Variants in SH3RF1 observed in about 807,000 individuals in gnomAD.
SH3RF1 encodes SH3 domain containing ring finger 1.
In SH3RF1, 32 loss-of-function variants were observed where a neutral mutation model predicts 74.0. That is an observed-to-expected ratio of 0.43 (90% CI 0.33 to 0.58). The LOEUF is 0.58. SH3RF1 is among the 20% of genes least tolerant of loss of function. The pLI is 0.05. For synonymous variants in SH3RF1, 396 were observed against 439.6 expected, an observed-to-expected ratio of 0.90 and a Z score of 1.24; for missense variants, 954 against 1,130.9, an observed-to-expected ratio of 0.84 and a Z score of 2.24.
rs762392771 is a variant in SH3RF1, at chr4:169,120,997, AG to A, written c.1347-9del. 23 of 1,606,876 alleles carry A rather than the reference AG, an allele frequency of 1.4e-5. 1 individual carries two copies. In the South Asian group the frequency reaches 2.5e-4, roughly 18 times the overall value. ...GGATATATAGCAACATACCTAGAAT[AG>A]AAAATAATATTTGATTTCAGGTTGA... On this transcript the variant is annotated splice_polypyrimidine_tract_variant and intron_variant, in intron 7 of 11. Coordinates refer to ENST00000284637, the MANE Select transcript of SH3RF1 (RefSeq NM_020870.4).
intron 2 of SH3RF1, among the ~76,000 whole-genome samples, chr4:169,173,704 T>C (rs1055714433): frequency 1.3e-5 from 2 of 152,152 alleles, no homozygotes; most frequent in Non-Finnish European, 2.9e-5. Context: ...GTTAGCTTAC[T>C]GAGCTTGTGA....
intron 2 of SH3RF1, among the ~76,000 whole-genome samples, chr4:169,186,850 C>CAAA (rs759258833): frequency 1.1e-4 from 14 of 131,844 alleles, no homozygotes; most frequent in Non-Finnish European, 1.3e-4. Flanking sequence ...ACTAAAAATA[C>CAAA]AAAAAAAAAA....
chr4:169,102,051 A>T lies in SH3RF1; in HGVS notation c.2498+4796T>A, dbSNP rs558630948. Among the ~76,000 whole-genome samples, 8 of 152,060 alleles carry T rather than the reference A, an allele frequency of 5.3e-5. No individual in the cohort carries two copies. In the South Asian group the frequency reaches 1.7e-3, roughly 32 times the overall value. On this transcript the variant is annotated intron_variant, in intron 11 of 11. Transcript: ENST00000284637. ...TGTAGTTCATACATTTTCATTTCTA[A>T]TCGCCCCTGGTATAGCCCAAATTGG...
chr4:169,096,485 G>A lies in SH3RF1; in HGVS notation c.*34C>T. ...ACTGCTTTGTGCTACTTTGTTGTGT[G>A]AAGTGATTTTAAGCTTCTTCAGTGT... On this transcript the variant is annotated 3_prime_UTR_variant, in exon 12 of 12. Coordinates refer to ENST00000284637, the MANE Select transcript of SH3RF1 (RefSeq NM_020870.4). The A allele has an allele frequency of 6.2e-7, 1 of 1,602,652 alleles. No homozygotes were observed. Among genetic ancestry groups the A allele is most frequent in the East Asian group, 2.2e-5 (1 of 44,824 alleles).
chr4:169,190,763 T>A (rs191092252), intron 2 of SH3RF1, among the ~76,000 whole-genome samples: 4 of 151,950 alleles, frequency 2.6e-5, no homozygotes, highest in African/African-American at 9.6e-5. Flanking sequence ...GGAAAGGATA[T>A]AACCAAAAAA....
intron 2 of SH3RF1, among the ~76,000 whole-genome samples, chr4:169,233,101 C>T (rs7438727): frequency 1 from 152,041 of 152,094 alleles, 75,994 homozygotes; most frequent in Non-Finnish European, 1. Flanking sequence ...ATACAAAAAT[C>T]AGCCAGGCGT....
At chr4:169,103,847 T>G (rs753865915) in intron 11 of SH3RF1, among the ~76,000 whole-genome samples, 1 of 152,332 alleles carries the variant, frequency 6.6e-6, no homozygotes, top group Non-Finnish European at 1.5e-5. Context: ...GGTAGAAATC[T>G]TCTCCAAAGA....
At chr4:169,097,488 G>T (rs116290712) in intron 11 of SH3RF1, among the ~76,000 whole-genome samples, 1 of 152,164 alleles carries the variant, frequency 6.6e-6, no homozygotes, top group Non-Finnish European at 1.5e-5. Context: ...AAGCTTAGTT[G>T]GTTTAATATT....
intron 10 of SH3RF1, 66 bp from the exon 11 acceptor site, chr4:169,107,271 G>A (rs1265711916): frequency 2.2e-6 from 3 of 1,395,008 alleles, no homozygotes; most frequent in Non-Finnish European, 2.9e-6. Context: ...TAATCTAAAG[G>A]GCCCTATAGT....
intron 4 of SH3RF1, among the ~76,000 whole-genome samples, chr4:169,147,875 A>T (rs1254058541): frequency 1.3e-5 from 2 of 152,224 alleles, no homozygotes; most frequent in African/African-American, 4.8e-5. Flanking sequence ...TTGATTAATT[A>T]AAATGAATCT....
intron 2 of SH3RF1, among the ~76,000 whole-genome samples, chr4:169,196,757 T>C (rs866917284): frequency 2.0e-5 from 3 of 152,190 alleles, no homozygotes; most frequent in African/African-American, 7.2e-5. Flanking sequence ...TCCAAATTAC[T>C]TGCTCTACCA....
intron 6 of SH3RF1, among the ~76,000 whole-genome samples, 196 bp downstream of exon 6, chr4:169,129,850 T>C (rs1733583592): frequency 1.3e-5 from 2 of 152,244 alleles, no homozygotes; most frequent in Admixed American, 1.3e-4. Context: ...ATCCTCACTG[T>C]TAAAAATTTT....
At chr4:169,129,977 G>C (rs1733585568) in intron 6 of SH3RF1, 69 bp downstream of exon 6, 1 of 1,210,958 alleles carries the variant, frequency 8.3e-7, no homozygotes, top group Admixed American at 1.9e-5. Context: ...GTGTTAGGAG[G>C]TGGAGTGTGC....
chr4:169,190,115 C>T (rs1231372515), intron 2 of SH3RF1, among the ~76,000 whole-genome samples: 1 of 152,132 alleles, frequency 6.6e-6, no homozygotes, highest in African/African-American at 2.4e-5. Flanking sequence ...ACGCCTACAT[C>T]AAAAAGTCTG....
chr4:169,268,868 G>T lies in SH3RF1; in HGVS notation c.345C>A (p.Ser115=). ...GCACCCGAGGCTGCTGTCCGCCCTG[G>T]GAGCTCTGCAGATCTTTTGAGCTAC... ...ANCSSKDLQS[S]QGGQQPRVQS... is the part of the protein sequence containing the mutation. The change falls in exon 2 of 12, where the codon TCC becomes TCA. Residue 115 remains serine (S), a synonymous_variant. Transcript: ENST00000284637. 1 of 1,611,746 alleles carries T rather than the reference G, an allele frequency of 6.2e-7. No homozygotes were observed. Among genetic ancestry groups the T allele is most frequent in the Non-Finnish European group, 8.5e-7 (1 of 1,179,508 alleles).
rs181310308 is a variant in SH3RF1, at chr4:169,260,625, G to A, written c.393+8195C>T. Among the ~76,000 whole-genome samples, 10 of 152,158 alleles carry A rather than the reference G, an allele frequency of 6.6e-5. No homozygotes were observed. The East Asian group carries it at 1.4e-3, about 21-fold the overall frequency. On this transcript the variant is annotated intron_variant, in intron 2 of 11. Transcript: ENST00000284637. ...TTTATCTCTTTCCTCCCTTTCCCTCGGATTTTCCTTTTCCCTGCCCAGCCA... is the reference window on the plus strand; with the variant it reads ...TTTATCTCTTTCCTCCCTTTCCCTCAGATTTTCCTTTTCCCTGCCCAGCCA...
At chr4:169,195,637 T>C (rs1734796480) in intron 2 of SH3RF1, among the ~76,000 whole-genome samples, 2 of 152,130 alleles carry the variant, frequency 1.3e-5, no homozygotes, top group South Asian at 4.1e-4. Flanking sequence ...TTCTTCTCCA[T>C]ATTTTCTTTT....
At chr4:169,212,467 C>T (rs1344317905) in intron 2 of SH3RF1, among the ~76,000 whole-genome samples, 1 of 152,142 alleles carries the variant, frequency 6.6e-6, no homozygotes, top group East Asian at 1.9e-4. Flanking sequence ...AATCCCAGGA[C>T]TTTTTAATAT....
At chr4:169,144,649 A>C (rs1049202025) in intron 4 of SH3RF1, among the ~76,000 whole-genome samples, 1 of 152,156 alleles carries the variant, frequency 6.6e-6, no homozygotes, top group African/African-American at 2.4e-5. Context: ...TCAATGAATG[A>C]AGAAGGCCAG....
Sources: gnomAD v4.1 joint callset for allele counts (sites outside exome capture counted in the v4.1 genomes callset) on GRCh38, gnomAD v4.1.1 for gene constraint, MANE v1.5 for transcripts, NCBI Gene and HGNC (gene_info 2026-07-23, HGNC 2026-07-21) for gene names.